The following DISP1 variants were observed in gnomAD, a reference collection of about 807,000 sequenced individuals.
DISP1 encodes the protein protein dispatched homolog 1.
A neutral mutation model predicts 37.3 loss-of-function variants in DISP1; 30 were observed. That is an observed-to-expected ratio of 0.80 (90% CI 0.60 to 1.09). The LOEUF (loss-of-function observed/expected upper bound fraction) is 1.09, where lower values mean the gene tolerates loss of function less well. DISP1 is among the 50% of genes least tolerant of loss of function. The pLI is 0.00. For missense variants in DISP1, 1,598 were observed against 1,879.5 expected, an observed-to-expected ratio of 0.85 and a Z score of 2.77; for synonymous variants, 634 against 690.2, an observed-to-expected ratio of 0.92 and a Z score of 1.28.
intron 1 of DISP1, chr1:222,837,255 C>T (rs1667271702): frequency 2.6e-6 from 1 of 391,464 alleles, no homozygotes; most frequent in Non-Finnish European, 4.5e-6. Context: ...AGATGGACGC[C>T]AATTGATGAA....
At chr1:222,989,549 G>C (rs183145431) in intron 4 of DISP1, 1 of 985,388 alleles carries the variant, frequency 1.0e-6, no homozygotes, top group Non-Finnish European at 1.2e-6. Flanking sequence ...TGTGGGAAGC[G>C]CATCTGGAAG....
At chr1:222,829,290 C>T (rs1018907758) in intron 1 of DISP1, among the ~76,000 whole-genome samples, 5 of 152,090 alleles carry the variant, frequency 3.3e-5, no homozygotes, top group African/African-American at 7.2e-5. Context: ...AGCAGATGCT[C>T]TAAGAAAATT....
intron 4 of DISP1, 27 bp from the exon 5 acceptor site, chr1:222,990,598 T>G (rs1248378617): frequency 1.2e-6 from 2 of 1,613,806 alleles, no homozygotes; most frequent in East Asian, 2.2e-5. Flanking sequence ...GCAGCTCTGA[T>G]AGCCGACACT....
intron 1 of DISP1, among the ~76,000 whole-genome samples, chr1:222,883,822 C>T (rs1455136214): frequency 6.6e-6 from 1 of 152,144 alleles, no homozygotes; most frequent in Non-Finnish European, 1.5e-5. Context: ...ACAAGGAAAA[C>T]TGACAGTATA....
In DISP1 at chr1:223,002,728, A is replaced by G. The variant is rs757971360; in HGVS notation, c.1331A>G (p.Tyr444Cys). 10 of 1,614,044 alleles carry G rather than the reference A, an allele frequency of 6.2e-6. No individual in the cohort carries two copies. The highest frequency in any genetic ancestry group is 1.6e-4 in the Middle Eastern group (1 of 6,084). ...TTTATGACCCCAAAGACGGCTGACT[A>G]TGCCACGCCAGCTTTAAAATACAGC... ...KDFMTPKTAD[Y>C]ATPALKYSML... Residue 444 changes from tyrosine to cysteine, a missense_variant, in exon 9 of 9, where the codon TAT becomes TGT. Tyr to Cys is a radical substitution (Grantham distance 194, BLOSUM62 -2). Transcript: ENST00000675850.
chr1:222,931,595 G>A (rs1431075742), intron 2 of DISP1, among the ~76,000 whole-genome samples: 1 of 151,820 alleles, frequency 6.6e-6, no homozygotes, highest in Non-Finnish European at 1.5e-5. Context: ...TATTTGGTGG[G>A]GATGTGAGGC....
At chr1:222,949,922 C>T (rs1438330645) in intron 3 of DISP1, among the ~76,000 whole-genome samples, 1 of 152,168 alleles carries the variant, frequency 6.6e-6, no homozygotes, top group Non-Finnish European at 1.5e-5. Context: ...CCACAGCGCC[C>T]AGCCACAATA....
chr1:222,980,773 T>C (rs1054963641), intron 3 of DISP1, among the ~76,000 whole-genome samples: 1 of 152,210 alleles, frequency 6.6e-6, no homozygotes, highest in Non-Finnish European at 1.5e-5. Context: ...ATATTCAGGC[T>C]CACCTTTTTT....
At chr1:222,986,260 A>T (rs1369846038) in intron 4 of DISP1, among the ~76,000 whole-genome samples, 1 of 152,014 alleles carries the variant, frequency 6.6e-6, no homozygotes, top group African/African-American at 2.4e-5. Context: ...GCTCAGAGGG[A>T]AGAGAAAAAA....
chr1:222,943,001 G>A lies in DISP1; in HGVS notation c.178G>A (p.Gly60Ser). 1.9e-6 allele frequency: 3 copies of A among 1,614,170 alleles called. No individual in the cohort carries two copies. The highest frequency in any genetic ancestry group is 1.1e-5 in the South Asian group (1 of 91,078). ...TCCAAATGGATGCCTGCAACTTAAT[G>A]GCACGGTCAAATCATCCTTTCTGCC... Reference protein sequence around the residue: ...VSPNGCLQLNGTVKSSFLPLD... With the variant: ...VSPNGCLQLNSTVKSSFLPLD... The change falls in exon 3 of 9, where the codon GGC becomes AGC. Residue 60 changes from glycine to serine, a missense_variant. Coordinates refer to ENST00000675850, the MANE Select transcript of DISP1 (RefSeq NM_001377229.1).
chr1:222,944,641 T>C (rs1056184082), intron 3 of DISP1, among the ~76,000 whole-genome samples: 1 of 152,218 alleles, frequency 6.6e-6, no homozygotes. Flanking sequence ...TTCTCAGTTA[T>C]TCCCTCTGTC....
chr1:222,916,520 C>T (rs2789959), intron 1 of DISP1, among the ~76,000 whole-genome samples: 2,688 of 152,238 alleles, frequency 0.018, 34 homozygotes, highest in Non-Finnish European at 0.023. Context: ...AGTTTTGTTT[C>T]AGTGTTTTTG....
At chr1:222,874,877 C>T (rs1669870006) in intron 1 of DISP1, among the ~76,000 whole-genome samples, 1 of 152,018 alleles carries the variant, frequency 6.6e-6, no homozygotes, top group African/African-American at 2.4e-5. Flanking sequence ...GTTTTTTCCC[C>T]ATCTTTGTGG....
intron 1 of DISP1, among the ~76,000 whole-genome samples, chr1:222,878,635 A>G (rs1308217764): frequency 6.6e-6 from 1 of 152,192 alleles, no homozygotes; most frequent in African/African-American, 2.4e-5. Flanking sequence ...CTCAGGGATT[A>G]GCTTTAAGGT....
intron 3 of DISP1, among the ~76,000 whole-genome samples, chr1:222,952,876 T>G (rs1430615082): frequency 6.6e-6 from 1 of 151,556 alleles, no homozygotes; most frequent in Non-Finnish European, 1.5e-5. Flanking sequence ...AAACAAAAAA[T>G]CTGAAGGACT....
intron 1 of DISP1, among the ~76,000 whole-genome samples, chr1:222,848,586 A>G (rs1668050188): frequency 6.6e-6 from 1 of 152,186 alleles, no homozygotes; most frequent in African/African-American, 2.4e-5. Flanking sequence ...TTAGACTTAC[A>G]GATGTCCTGG....
At chr1:222,928,268 C>G (rs1268009847) in intron 1 of DISP1, among the ~76,000 whole-genome samples, 162 bp from the exon 2 acceptor site, 1 of 152,190 alleles carries the variant, frequency 6.6e-6, no homozygotes, top group Non-Finnish European at 1.5e-5. Flanking sequence ...ACCTTGTGCT[C>G]AGATCAAGCC....
intron 1 of DISP1, among the ~76,000 whole-genome samples, chr1:222,888,748 T>C (rs1670781155): frequency 6.6e-6 from 1 of 152,142 alleles, no homozygotes; most frequent in South Asian, 2.1e-4. Context: ...TATAGAACAA[T>C]TAAAATGCAA....
chr1:222,877,362 CAAAG>C lies in DISP1; in HGVS notation c.-158-51066_-158-51063del, dbSNP rs1572404925. 3.3e-5 allele frequency among the ~76,000 whole-genome samples: 5 copies of C among 151,982 alleles called. No individual in the cohort carries two copies. In the South Asian group the frequency reaches 1.0e-3, roughly 32 times the overall value. ...CACCTCTTACGTGGATGGCGGCAGG[CAAAG>C]AGAGAGAGATTGTGCGGGAGAACTC... On this transcript the variant is annotated intron_variant, in intron 1 of 8. Transcript: ENST00000675850.
Sources: allele counts gnomAD v4.1 joint callset (sites outside exome capture counted in the v4.1 genomes callset), GRCh38; gene constraint gnomAD v4.1.1; transcripts MANE v1.5; gene names NCBI Gene and HGNC (gene_info 2026-07-23, HGNC 2026-07-21).